Variants in MAGI2 observed in about 807,000 individuals in gnomAD.
MAGI2 encodes the protein membrane associated guanylate kinase, WW and PDZ domain containing 2, also known as membrane-associated guanylate kinase, WW and PDZ domain-containing protein 2.
In MAGI2, 35 loss-of-function variants were observed where a neutral mutation model predicts 133.3. The observed-to-expected ratio is 0.26, with a 90% confidence interval of 0.20 to 0.35. The LOEUF (loss-of-function observed/expected upper bound fraction) is 0.35, where lower values mean the gene tolerates loss of function less well. MAGI2 is among the 10% of genes least tolerant of loss of function. The pLI is 1.00. For missense variants in MAGI2, 1,636 were observed against 1,863.4 expected, an observed-to-expected ratio of 0.88 and a Z score of 2.25; for synonymous variants, 729 against 710.6, an observed-to-expected ratio of 1.03 and a Z score of -0.41.
intron 2 of MAGI2, among the ~76,000 whole-genome samples, chr7:78,920,858 A>C (rs1799171355): frequency 6.6e-6 from 1 of 152,192 alleles, no homozygotes; most frequent in African/African-American, 2.4e-5. Context: ...TACACAATTA[A>C]GAAACAAAAT....
At chr7:78,524,612 G>A (rs565445067) in intron 3 of MAGI2, among the ~76,000 whole-genome samples, 1 of 152,122 alleles carries the variant, frequency 6.6e-6, no homozygotes, top group African/African-American at 2.4e-5. Context: ...ATATATACAC[G>A]TTGCTAAATG....
At chr7:78,505,985 C>T (rs1204342844) in intron 4 of MAGI2, among the ~76,000 whole-genome samples, 3 of 151,922 alleles carry the variant, frequency 2.0e-5, no homozygotes, top group Non-Finnish European at 4.4e-5. Flanking sequence ...ATCAGGCATG[C>T]TCAGGATTTG....
chr7:78,332,043 C>T (rs2691534), intron 9 of MAGI2, among the ~76,000 whole-genome samples: 127,992 of 152,208 alleles, frequency 0.84, 54,215 homozygotes, highest in African/African-American at 0.93. Flanking sequence ...TAGCACACTT[C>T]GCTATATCTG....
intron 1 of MAGI2, among the ~76,000 whole-genome samples, chr7:79,317,437 T>C (rs758418768): frequency 1.3e-5 from 2 of 151,650 alleles, no homozygotes; most frequent in Non-Finnish European, 2.9e-5. Flanking sequence ...TAGAATACAC[T>C]GAGCCACAAA....
At chr7:78,507,319 A>G (rs1795175248) in intron 4 of MAGI2, among the ~76,000 whole-genome samples, 1 of 152,210 alleles carries the variant, frequency 6.6e-6, no homozygotes, top group South Asian at 2.1e-4. Context: ...GGCAAAACCC[A>G]GAGGACCAAT....
chr7:78,192,394 G>C (rs1322585646), intron 12 of MAGI2, among the ~76,000 whole-genome samples: 1 of 152,020 alleles, frequency 6.6e-6, no homozygotes, highest in Non-Finnish European at 1.5e-5. Flanking sequence ...AAACCTATTT[G>C]AAGATGATGA....
chr7:78,571,066 AGT>A (rs1801446624), intron 3 of MAGI2, among the ~76,000 whole-genome samples: 1 of 152,186 alleles, frequency 6.6e-6, no homozygotes, highest in Non-Finnish European at 1.5e-5. Context: ...CTTTACAATC[AGT>A]GTTATCTCCT....
chr7:78,119,217 A>G (rs543163920), intron 20 of MAGI2, among the ~76,000 whole-genome samples: 233 of 152,266 alleles, frequency 1.5e-3, no homozygotes, highest in African/African-American at 4.9e-3. Flanking sequence ...ACTCTTTATG[A>G]TACTATAATG....
At chr7:78,644,340 G>A (rs1810619980) in intron 2 of MAGI2, among the ~76,000 whole-genome samples, 1 of 151,966 alleles carries the variant, frequency 6.6e-6, no homozygotes, top group Non-Finnish European at 1.5e-5. Context: ...GACATTTATA[G>A]AACACTTAAC....
At chr7:78,425,812 G>C (rs1799224327) in intron 6 of MAGI2, among the ~76,000 whole-genome samples, 1 of 152,204 alleles carries the variant, frequency 6.6e-6, no homozygotes, top group Non-Finnish European at 1.5e-5. Flanking sequence ...TAAGTTCAAA[G>C]TCAAAATATA....
chr7:78,527,006 C>CAAAAAAAAAAA (rs55707442), intron 3 of MAGI2, among the ~76,000 whole-genome samples: 14 of 45,428 alleles, frequency 3.1e-4, no homozygotes, highest in East Asian at 1.7e-3. Flanking sequence ...GACTCCATCT[C>CAAAAAAAAAAA]AAAAAAAAAA....
intron 9 of MAGI2, among the ~76,000 whole-genome samples, chr7:78,263,102 A>G (rs1193008061): frequency 6.6e-6 from 1 of 152,162 alleles, no homozygotes; most frequent in Non-Finnish European, 1.5e-5. Flanking sequence ...TTCTTGTGTT[A>G]ACTCAGTTAG....
intron 3 of MAGI2, among the ~76,000 whole-genome samples, chr7:78,554,942 T>G (rs1799654802): frequency 6.6e-6 from 1 of 151,776 alleles, no homozygotes; most frequent in African/African-American, 2.4e-5. Flanking sequence ...GCCCAGGAGT[T>G]AGAGACCAGC....
chr7:78,391,184 C>G (rs1223237176), intron 6 of MAGI2, among the ~76,000 whole-genome samples: 1 of 152,206 alleles, frequency 6.6e-6, no homozygotes, highest in Non-Finnish European at 1.5e-5. Context: ...CCAAATTCAG[C>G]ATTCCTAAAT....
intron 1 of MAGI2, among the ~76,000 whole-genome samples, chr7:79,446,965 A>G (rs948669529): frequency 1.3e-5 from 2 of 152,144 alleles, no homozygotes; most frequent in Non-Finnish European, 2.9e-5. Context: ...AAAAAATAAT[A>G]AATAAGTGAA....
chr7:79,268,199 TA>T (rs1186854119), intron 1 of MAGI2, among the ~76,000 whole-genome samples: 1 of 152,166 alleles, frequency 6.6e-6, no homozygotes, highest in East Asian at 1.9e-4. Flanking sequence ...TAATTTTCTT[TA>T]GTTCAAAACA....
chr7:78,478,847 AAAC>A lies in MAGI2; in HGVS notation c.1045+10911_1045+10913del, dbSNP rs1792059471. Among the ~76,000 whole-genome samples the A allele has an allele frequency of 2.0e-5, 3 of 152,124 alleles. No homozygotes were observed. In the South Asian group the frequency reaches 6.2e-4, roughly 31 times the overall value. On this transcript the variant is annotated intron_variant, in intron 6 of 21. Transcript: ENST00000354212. ...CCTGGAATGGACAACAGGCATCAAC[AAAC>A]AACAAAAGCAAGAAAACAAAAGAGA...
chr7:78,379,378 T>C (rs890787174), intron 6 of MAGI2, among the ~76,000 whole-genome samples: 1 of 151,918 alleles, frequency 6.6e-6, no homozygotes, highest in African/African-American at 2.4e-5. Flanking sequence ...AAGATAGGCC[T>C]GACAAGAAAA....
At chr7:78,855,938 A>C (rs981352490) in intron 2 of MAGI2, among the ~76,000 whole-genome samples, 1 of 152,138 alleles carries the variant, frequency 6.6e-6, no homozygotes, top group African/African-American at 2.4e-5. Context: ...CTTTTCAATG[A>C]TTGCCATTCT....
Sources: allele counts gnomAD v4.1 joint callset (sites outside exome capture counted in the v4.1 genomes callset), GRCh38; gene constraint gnomAD v4.1.1; transcripts MANE v1.5; gene names NCBI Gene and HGNC (gene_info 2026-07-23, HGNC 2026-07-21).